The following RANBP9 variants were observed in gnomAD, a reference collection of about 807,000 sequenced individuals.
The protein encoded by RANBP9 is RAN binding protein 9, also known as ran-binding protein 9.
Under a neutral mutation model 84.3 loss-of-function variants are expected in RANBP9, and 15 were observed. The observed-to-expected ratio is 0.18, with a 90% CI of 0.12 to 0.27. The LOEUF (loss-of-function observed/expected upper bound fraction) is 0.27. Among genes scored for constraint, RANBP9 ranks in the 10% least tolerant of loss-of-function variants. RANBP9 has a pLI of 1.00. For missense variants in RANBP9, 809 were observed against 912.8 expected (o/e 0.89, Z 1.46); for synonymous variants, 392 against 349.6 (o/e 1.12, Z -1.35).
intron 2 of RANBP9, among the ~76,000 whole-genome samples, chr6:13,671,034 T>C (rs1343333315): frequency 6.6e-6 from 1 of 152,162 alleles, no homozygotes; most frequent in Non-Finnish European, 1.5e-5. Context: ...TAGACATTTC[T>C]TCAAAGATGT....
At chr6:13,634,573 C>T (rs1204491853) in intron 10 of RANBP9, 21 bp from the exon 11 acceptor site, 1 of 1,582,476 alleles carries the variant, frequency 6.3e-7, no homozygotes, top group Admixed American at 1.7e-5. Flanking sequence ...AAAAACAAAC[C>T]TAATTTTAGA....
intron 8 of RANBP9, among the ~76,000 whole-genome samples, chr6:13,640,364 G>A (rs1226490363): frequency 6.6e-6 from 1 of 151,946 alleles, no homozygotes; most frequent in African/African-American, 2.4e-5. Flanking sequence ...AAAAAAAATA[G>A]TTAAACATAG....
chr6:13,659,038 T>C (rs1237080051), intron 2 of RANBP9, among the ~76,000 whole-genome samples: 1 of 152,136 alleles, frequency 6.6e-6, no homozygotes, highest in East Asian at 1.9e-4. Context: ...CAAACTCATA[T>C]GGTAATAATT....
At position 13,658,881 on chromosome 6, in the gene RANBP9, T is replaced by C. The variant is rs773452407; in HGVS notation, c.684-49A>G. On this transcript the variant is annotated intron_variant, in intron 2 of 13. Transcript: ENST00000011619. ...GAAGAAAAGGACATTATTACAGTCA[T>C]ATATGTATAAATTACCAAACAGTCT... 8 of 1,484,942 alleles carry C rather than the reference T, an allele frequency of 5.4e-6. No homozygotes were observed. The East Asian group carries it at 1.1e-4, about 21-fold the overall frequency. The allele number at this position is 1,484,942 out of a possible 1,614,324, so 92.0% of individuals were successfully genotyped here.
At chr6:13,651,284 C>A (rs1765289416) in intron 5 of RANBP9, among the ~76,000 whole-genome samples, 1 of 152,126 alleles carries the variant, frequency 6.6e-6, no homozygotes, top group African/African-American at 2.4e-5. Context: ...CAAACCTCTA[C>A]CGAAGAGAGT....
chr6:13,711,727 G>A lies in RANBP9; in HGVS notation c.-222C>T, dbSNP rs964478799. ...AGGCCGGGAGAGAACGTTGGCCGGAGCGCGGGCGCGCGGCCCGGGGACGAG... is the reference window on the plus strand; with the variant it reads ...AGGCCGGGAGAGAACGTTGGCCGGAACGCGGGCGCGCGGCCCGGGGACGAG... On this transcript the variant is annotated 5_prime_UTR_variant, in exon 1 of 14. Coordinates refer to ENST00000011619, the MANE Select transcript of RANBP9 (RefSeq NM_005493.3). Among the ~76,000 whole-genome samples the A allele has an allele frequency of 1.3e-5, 2 of 148,570 alleles. No homozygotes were observed. Among genetic ancestry groups the A allele is most frequent in the African/African-American group, 2.4e-5 (1 of 40,966 alleles).
At chr6:13,672,171 A>T (rs1765791883) in intron 2 of RANBP9, among the ~76,000 whole-genome samples, 2 of 152,144 alleles carry the variant, frequency 1.3e-5, no homozygotes, top group Non-Finnish European at 1.5e-5. Flanking sequence ...CATTTTGAGT[A>T]GGGAAAAGGG....
intron 8 of RANBP9, 28 bp from the exon 9 acceptor site, chr6:13,639,781 GAC>G: frequency 6.4e-7 from 1 of 1,552,324 alleles, no homozygotes; most frequent in Non-Finnish European, 8.8e-7. Flanking sequence ...AATTTACTTA[GAC>G]ACAATCTTCA....
intron 7 of RANBP9, among the ~76,000 whole-genome samples, chr6:13,642,057 G>A (rs903461403): frequency 2.0e-5 from 3 of 152,074 alleles, no homozygotes; most frequent in African/African-American, 7.2e-5. Context: ...GCCAGCACTA[G>A]GATCTAAATA....
intron 12 of RANBP9, among the ~76,000 whole-genome samples, chr6:13,627,184 C>T (rs1764632081): frequency 6.6e-6 from 1 of 152,128 alleles, no homozygotes; most frequent in Non-Finnish European, 1.5e-5. Context: ...CTGTTGAGAG[C>T]AAGACCTGCT....
At chr6:13,667,890 AAAAATT>A (rs1210687444) in intron 2 of RANBP9, among the ~76,000 whole-genome samples, 1 of 152,186 alleles carries the variant, frequency 6.6e-6, no homozygotes, top group East Asian at 1.9e-4. Flanking sequence ...TACTGTTGTC[AAAAATT>A]AAAATTAAAT....
intron 1 of RANBP9, among the ~76,000 whole-genome samples, chr6:13,708,258 C>CA (rs545905979): frequency 0.013 from 1,888 of 145,924 alleles, 33 homozygotes; most frequent in African/African-American, 0.043. Context: ...CCCATCTCCA[C>CA]AAAAAAAAAA....
At position 13,690,493 on chromosome 6, in the gene RANBP9, T is replaced by A. The variant is rs535321201; in HGVS notation, c.683+6292A>T. Among the ~76,000 whole-genome samples the A allele has an allele frequency of 1.5e-4, 23 of 152,220 alleles. No individual in the cohort carries two copies. The East Asian group carries it at 4.4e-3, about 29-fold the overall frequency. ...AAATAAACTAGAAAGTCAGCAAGCA[T>A]AAAAGGAACATTCTGAAAGAGTGCA... On this transcript the variant is annotated intron_variant, in intron 2 of 13. Coordinates refer to ENST00000011619, the MANE Select transcript of RANBP9 (RefSeq NM_005493.3).
intron 1 of RANBP9, among the ~76,000 whole-genome samples, chr6:13,704,655 C>T (rs1211048297): frequency 6.6e-6 from 1 of 151,758 alleles, no homozygotes; most frequent in Non-Finnish European, 1.5e-5. Flanking sequence ...AAAAAGCCTC[C>T]TAATTGATCT....
chr6:13,632,752 G>A (rs975259306), intron 11 of RANBP9: 14 of 401,124 alleles, frequency 3.5e-5, no homozygotes, highest in Non-Finnish European at 4.9e-5. Flanking sequence ...GTTGAGAGGG[G>A]ACAACCTTTC....
chr6:13,637,763 A>G, intron 10 of RANBP9, 45 bp downstream of exon 10: 1 of 1,479,778 alleles, frequency 6.8e-7, no homozygotes, highest in Non-Finnish European at 9.1e-7. Context: ...TTACACCTAT[A>G]ACTAGGTTGC....
chr6:13,698,960 T>C (rs1287811069), intron 1 of RANBP9, among the ~76,000 whole-genome samples: 1 of 152,178 alleles, frequency 6.6e-6, no homozygotes, highest in African/African-American at 2.4e-5. Flanking sequence ...TGACTACTTC[T>C]ACGGGAAAAG....
intron 11 of RANBP9, among the ~76,000 whole-genome samples, chr6:13,634,218 A>G (rs1157201819): frequency 6.6e-6 from 1 of 152,212 alleles, no homozygotes; most frequent in Non-Finnish European, 1.5e-5. Flanking sequence ...TAAGCAGTTC[A>G]GCAAGAAACA....
intron 12 of RANBP9, among the ~76,000 whole-genome samples, chr6:13,626,091 A>C (rs1764596077): frequency 6.6e-6 from 1 of 152,194 alleles, no homozygotes; most frequent in South Asian, 2.1e-4. Context: ...CAGATGTTTT[A>C]CTTCACAATT....
Sources: gnomAD v4.1 joint callset for allele counts (sites outside exome capture counted in the v4.1 genomes callset) on GRCh38, gnomAD v4.1.1 for gene constraint, MANE v1.5 for transcripts, NCBI Gene and HGNC (gene_info 2026-07-23, HGNC 2026-07-21) for gene names.